The following SMIM9 variants were observed in gnomAD, a reference collection of about 807,000 sequenced individuals.
SMIM9 encodes the protein small integral membrane protein 9, also known as chromosome X open reading frame 68.
SMIM9 carries 8 observed loss-of-function variants against 7.2 expected under a neutral mutation model. The observed-to-expected ratio is 1.10, with a 90% confidence interval of 0.65 to 1.99. The LOEUF (loss-of-function observed/expected upper bound fraction) is 1.99. Ranked by LOEUF, SMIM9 falls within the 30% of genes most tolerant of loss-of-function variation. The probability of loss-of-function intolerance (pLI) is 0.00; values close to 1 mark genes in which losing one functional copy is unlikely to be tolerated. For missense variants in SMIM9, 76 were observed against 69.3 expected (o/e 1.10, Z -0.34); for synonymous variants, 19 against 26.4 (o/e 0.72, Z 0.86).
Position 154,834,559 on chromosome X carries a change from T to C in SMIM9, c.-210+4A>G, listed in dbSNP as rs2072460371. The C allele has an allele frequency of 8.9e-6, 1 of 112,536 alleles. No individual in the cohort carries two copies. Among genetic ancestry groups the C allele is most frequent in the Non-Finnish European group, 1.9e-5 (1 of 53,265 alleles). 9.3% of individuals were successfully genotyped at this position (112,536 alleles called of 1,213,427 possible). ...TTAGCAACTGTGAAGAAAACATTTA[T>C]TACCTTATAGTTTCTGTAGGTTAGT... On this transcript the variant is annotated splice_donor_region_variant and intron_variant, in intron 1 of 4. Transcript: ENST00000369529.
chrX:154,830,276 C>T (rs1028334261), intron 3 of SMIM9, among the ~76,000 whole-genome samples: 2 of 112,119 alleles, frequency 1.8e-5, no homozygotes, highest in African/African-American at 6.5e-5. Context: ...TCACCACTAA[C>T]CAGCAAGACA....
intron 3 of SMIM9, 96 bp from the exon 4 acceptor site, chrX:154,829,760 T>TGTCC: frequency 3.2e-6 from 3 of 941,570 alleles, no homozygotes; most frequent in Non-Finnish European, 4.4e-6. Flanking sequence ...TTGTCCCAGA[T>TGTCC]ATCATGTTCT....
intron 2 of SMIM9, among the ~76,000 whole-genome samples, chrX:154,832,005 T>C (rs974158575): frequency 9.0e-6 from 1 of 111,476 alleles, no homozygotes; most frequent in East Asian, 2.8e-4. Flanking sequence ...ATGTATCTCC[T>C]GAATATAATG....
chrX:154,829,677 C>T lies in SMIM9; in HGVS notation c.143-13G>A, dbSNP rs2072436316. The stretch of plus-strand genomic sequence containing the variant: ...GACCTGTGATTACCTGCAGAAAGAG[C>T]ATAGACATTCATTGAGGAGAGGTCA... On this transcript the variant is annotated splice_polypyrimidine_tract_variant and intron_variant, in intron 3 of 4. Transcript: ENST00000369529. 4 of 1,164,216 alleles carry T rather than the reference C, an allele frequency of 3.4e-6. No individual in the cohort carries two copies. The East Asian group carries it at 1.3e-4, about 38-fold the overall frequency.
chrX:154,825,690 A>G (rs1397127499), intron 4 of SMIM9, among the ~76,000 whole-genome samples: 2 of 110,105 alleles, frequency 1.8e-5, no homozygotes, highest in African/African-American at 6.6e-5. Context: ...TCAATGATAG[A>G]CTGGATTAAG....
intron 4 of SMIM9, among the ~76,000 whole-genome samples, chrX:154,828,872 A>C (rs890389649): frequency 9.0e-6 from 1 of 110,913 alleles, no homozygotes; most frequent in African/African-American, 3.3e-5. Context: ...TCTATTCTCT[A>C]TTCCCTTTTA....
In SMIM9 at chrX:154,823,523, T is replaced by G; in HGVS notation, c.*232A>C. The G allele has an allele frequency of 3.4e-6, 1 of 297,662 alleles. No homozygotes were observed. Among genetic ancestry groups the G allele is most frequent in the Non-Finnish European group, 5.9e-6 (1 of 170,380 alleles). 24.5% of individuals were successfully genotyped at this position (297,662 alleles called of 1,213,427 possible). Reference sequence around the variant, plus strand: ...ACTCTTTTCTCTGTATTTCTCAAATTTTTTTTGCAATAAATATGTATTACT... The same window carrying G: ...ACTCTTTTCTCTGTATTTCTCAAATGTTTTTTGCAATAAATATGTATTACT... On this transcript the variant is annotated 3_prime_UTR_variant, in exon 5 of 5. Coordinates refer to ENST00000369529, the MANE Select transcript of SMIM9 (RefSeq NM_001162936.4).
intron 4 of SMIM9, chrX:154,827,590 C>T (rs782008415): frequency 8.9e-6 from 1 of 112,481 alleles, no homozygotes; most frequent in Admixed American, 9.4e-5. Flanking sequence ...TCGTATTTAA[C>T]TGGCCAAATC....
intron 4 of SMIM9, among the ~76,000 whole-genome samples, 194 bp downstream of exon 4, chrX:154,829,341 T>G (rs373518858): frequency 1.8e-5 from 2 of 112,141 alleles, no homozygotes; most frequent in South Asian, 7.4e-4. Context: ...TGGAGCAAGT[T>G]GGAGGAAGTA....
chrX:154,828,691 C>G (rs5986886), intron 4 of SMIM9, among the ~76,000 whole-genome samples: 1 of 111,862 alleles, frequency 8.9e-6, no homozygotes, highest in Non-Finnish European at 1.9e-5. Flanking sequence ...CTATTTGTCT[C>G]CAATCAGTTC....
At chrX:154,824,150 G>A (rs1041635620) in intron 4 of SMIM9, among the ~76,000 whole-genome samples, 2 of 110,243 alleles carry the variant, frequency 1.8e-5, no homozygotes, top group Non-Finnish European at 1.9e-5. Context: ...GAGGTCAGGA[G>A]ATCGAGACCA....
intron 4 of SMIM9, 111 bp from the exon 5 acceptor site, chrX:154,823,893 T>C: frequency 1.5e-6 from 1 of 661,123 alleles, no homozygotes; most frequent in Non-Finnish European, 2.1e-6. Context: ...ATGAACCAAA[T>C]AATTCCATAC....
At chrX:154,831,508 C>CCAGGG in intron 2 of SMIM9, among the ~76,000 whole-genome samples, 1 of 111,347 alleles carries the variant, frequency 9.0e-6, no homozygotes, top group Admixed American at 9.5e-5. Context: ...CCTTTACTTA[C>CCAGGG]AAAACGTATC....
intron 4 of SMIM9, 58 bp downstream of exon 4, chrX:154,829,477 C>T: frequency 8.7e-7 from 1 of 1,143,646 alleles, no homozygotes. Context: ...TGTTTCTGTT[C>T]CCACCCCCCT....
chrX:154,823,431 A>C lies in SMIM9; in HGVS notation c.*324T>G, dbSNP rs1245024370. On this transcript the variant is annotated 3_prime_UTR_variant, in exon 5 of 5. Transcript: ENST00000369529. ...AAACTTGTAATACATATATAGAAAA[A>C]AATTGAAGGGAGGTACATCAAGATG... The C allele has an allele frequency of 2.1e-5, 4 of 191,512 alleles. No homozygotes were observed. The highest frequency in any genetic ancestry group is 3.8e-5 in the Non-Finnish European group (4 of 105,044). The allele number at this position is 191,512 out of a possible 1,213,427, so 15.8% of individuals were successfully genotyped here.
chrX:154,833,411 G>A (rs1258141339), intron 1 of SMIM9, among the ~76,000 whole-genome samples: 1 of 112,336 alleles, frequency 8.9e-6, no homozygotes, highest in Non-Finnish European at 1.9e-5. Flanking sequence ...GATAGCTTGA[G>A]CCCAGGAGTT....
At chrX:154,828,854 C>T (rs931825486) in intron 4 of SMIM9, among the ~76,000 whole-genome samples, 18 of 110,724 alleles carry the variant, frequency 1.6e-4, no homozygotes, top group African/African-American at 5.6e-4. Context: ...TCTGCAGGAC[C>T]CCCCATTTCT....
chrX:154,831,537 C>G (rs1269348992), intron 2 of SMIM9, among the ~76,000 whole-genome samples: 1 of 111,410 alleles, frequency 9.0e-6, no homozygotes, highest in Non-Finnish European at 1.9e-5. Flanking sequence ...TGCCACTTCA[C>G]ACCACCTCCA....
In SMIM9 at chrX:154,829,497, C is replaced by G. The variant is rs781988755; in HGVS notation, c.272+38G>C. On this transcript the variant is annotated intron_variant, in intron 4 of 4. Transcript: ENST00000369529. ...CTGTTCCCACCCCCCTTCACATTCCCTCTCTCCTCCCTGTCTCTTCTTCCC... is the reference window on the plus strand; with the variant it reads ...CTGTTCCCACCCCCCTTCACATTCCGTCTCTCCTCCCTGTCTCTTCTTCCC... 37 of 1,158,799 alleles carry G rather than the reference C, an allele frequency of 3.2e-5. No homozygotes were observed. In the South Asian group the frequency reaches 6.6e-4, roughly 21 times the overall value.
Sources: gnomAD v4.1 joint callset for allele counts (sites outside exome capture counted in the v4.1 genomes callset) on GRCh38, gnomAD v4.1.1 for gene constraint, MANE v1.5 for transcripts, NCBI Gene and HGNC (gene_info 2026-07-23, HGNC 2026-07-21) for gene names.